Variants in EBPL observed in about 807,000 individuals in gnomAD.
EBPL encodes emopamil-binding protein-like.
EBPL carries 20 observed loss-of-function variants against 19.0 expected under a neutral mutation model. The ratio of observed to expected loss-of-function variants is 1.05; its 90% CI spans 0.74 to 1.53. The LOEUF (loss-of-function observed/expected upper bound fraction) is 1.53, where lower values mean the gene tolerates loss of function less well. Among genes scored for constraint, EBPL ranks in the 40% most tolerant of loss-of-function variants. The probability of loss-of-function intolerance (pLI) is 0.00; values close to 1 mark genes in which losing one functional copy is unlikely to be tolerated. For missense variants in EBPL, 219 were observed against 261.1 expected (o/e 0.84, Z 1.11); for synonymous variants, 107 against 117.0 (o/e 0.91, Z 0.55).
At chr13:49,681,323 C>T (rs558136081) in intron 1 of EBPL, among the ~76,000 whole-genome samples, 219 of 152,260 alleles carry the variant, frequency 1.4e-3, no homozygotes, top group African/African-American at 4.7e-3. Context: ...GATGGTCTCG[C>T]TCTGTCGCTC....
At chr13:49,665,715 C>CTTTTTTTT (rs35993290) in intron 2 of EBPL, among the ~76,000 whole-genome samples, 10 of 146,992 alleles carry the variant, frequency 6.8e-5, no homozygotes, top group Non-Finnish European at 1.0e-4. Context: ...TTCAACAAGT[C>CTTTTTTTT]TTTTTTTTTT....
At chr13:49,672,415 C>T (rs1045501146) in intron 1 of EBPL, among the ~76,000 whole-genome samples, 2 of 152,210 alleles carry the variant, frequency 1.3e-5, no homozygotes, top group African/African-American at 2.4e-5. Flanking sequence ...GGTCAGTGCC[C>T]TCCTACACAG....
At chr13:49,681,826 T>C (rs2407796) in intron 1 of EBPL, among the ~76,000 whole-genome samples, 25,207 of 152,202 alleles carry the variant, frequency 0.17, 2,295 homozygotes, top group South Asian at 0.26. Flanking sequence ...TGTATCTGTT[T>C]TTTTGTTGTA....
chr13:49,665,358 G>A (rs1425047046), intron 2 of EBPL, among the ~76,000 whole-genome samples: 1 of 152,144 alleles, frequency 6.6e-6, no homozygotes, highest in Non-Finnish European at 1.5e-5. Context: ...TGCAACCTCC[G>A]CCTCCCGTGT....
intron 3 of EBPL, chr13:49,661,787 A>C: frequency 1.3e-6 from 2 of 1,525,066 alleles, no homozygotes; most frequent in Non-Finnish European, 1.8e-6. Flanking sequence ...CTATCTCTCT[A>C]AAATTGGGTG....
At chr13:49,684,464 A>G (rs148825824) in intron 1 of EBPL, among the ~76,000 whole-genome samples, 7 of 152,350 alleles carry the variant, frequency 4.6e-5, no homozygotes. Context: ...TGAGGCCAGG[A>G]GTTTGAGACC....
intron 1 of EBPL, among the ~76,000 whole-genome samples, chr13:49,675,428 T>C (rs1953865166): frequency 6.6e-6 from 1 of 152,256 alleles, no homozygotes; most frequent in Admixed American, 6.5e-5. Context: ...GAAATGTCCT[T>C]ATGCAGTGAT....
At chr13:49,685,354 G>C (rs779382037) in intron 1 of EBPL, among the ~76,000 whole-genome samples, 2 of 152,174 alleles carry the variant, frequency 1.3e-5, no homozygotes. Flanking sequence ...GAATGGATTA[G>C]TCAATAAATG....
chr13:49,673,832 G>T (rs1045640146), intron 1 of EBPL, among the ~76,000 whole-genome samples: 23 of 152,144 alleles, frequency 1.5e-4, no homozygotes, highest in African/African-American at 4.8e-4. Context: ...ATGGAGGTGT[G>T]GGGTGGGGGG....
At chr13:49,678,095 C>G (rs891096404) in intron 1 of EBPL, among the ~76,000 whole-genome samples, 28 of 152,224 alleles carry the variant, frequency 1.8e-4, no homozygotes, top group Admixed American at 6.5e-4. Context: ...CCACCCACAT[C>G]CTGCTGATTG....
intron 1 of EBPL, among the ~76,000 whole-genome samples, 192 bp downstream of exon 1, chr13:49,691,062 T>C (rs1222685566): frequency 6.6e-6 from 1 of 152,220 alleles, no homozygotes; most frequent in Admixed American, 6.5e-5. Flanking sequence ...AGCTGCGCTC[T>C]GTTCACAGAC....
At chr13:49,673,970 C>T (rs947868478) in intron 1 of EBPL, among the ~76,000 whole-genome samples, 3 of 151,094 alleles carry the variant, frequency 2.0e-5, no homozygotes, top group African/African-American at 7.3e-5. Flanking sequence ...AATACACACA[C>T]ACACACACAC....
At chr13:49,679,234 C>T (rs1336522471) in intron 1 of EBPL, among the ~76,000 whole-genome samples, 2 of 152,072 alleles carry the variant, frequency 1.3e-5, no homozygotes, top group African/African-American at 2.4e-5. Flanking sequence ...TGTTTTTAGA[C>T]TCTGGGGCAT....
At chr13:49,672,129 G>C (rs1953824123) in intron 1 of EBPL, among the ~76,000 whole-genome samples, 1 of 152,146 alleles carries the variant, frequency 6.6e-6, no homozygotes, top group South Asian at 2.1e-4. Context: ...CACATCATTG[G>C]GATCTGGAAT....
Position 49,669,036 on chromosome 13 carries a change from C to T in EBPL, c.241+741G>A, listed in dbSNP as rs558164199. Among the ~76,000 whole-genome samples, 169 of 151,986 alleles carry T rather than the reference C, an allele frequency of 1.1e-3. 1 individual carries two copies. Among genetic ancestry groups the T allele is most frequent in the Non-Finnish European group, 2.1e-3 (141 of 67,974 alleles). ...CTGGGACTACAGGGGCCCGCCACCA[C>T]GCCCAGCCAATTTTTTATATTTTTA... On this transcript the variant is annotated intron_variant, in intron 2 of 3. Coordinates refer to ENST00000242827, the MANE Select transcript of EBPL (RefSeq NM_032565.5).
intron 1 of EBPL, among the ~76,000 whole-genome samples, chr13:49,672,787 T>C (rs1349439704): frequency 1.3e-5 from 2 of 152,080 alleles, no homozygotes; most frequent in Non-Finnish European, 2.9e-5. Context: ...AGGTTGGGTG[T>C]GGTGGTTCAC....
At chr13:49,684,725 G>GA (rs1311907987) in intron 1 of EBPL, among the ~76,000 whole-genome samples, 1 of 152,052 alleles carries the variant, frequency 6.6e-6, no homozygotes, top group Admixed American at 6.6e-5. Context: ...CAGTAGCAAT[G>GA]AAAATATAAA....
Position 49,663,092 on chromosome 13 carries a change from G to A in EBPL, c.345C>T (p.Phe115=). 1 of 1,614,146 alleles carries A rather than the reference G, an allele frequency of 6.2e-7. No homozygotes were observed. Among genetic ancestry groups the A allele is most frequent in the South Asian group, 1.1e-5 (1 of 91,084 alleles). The change falls in exon 3 of 4, where the codon TTC becomes TTT. Residue 115 remains phenylalanine (F), a synonymous_variant. Transcript: ENST00000242827. ...TTTCTTTGACTATGGCATAAATGAG[G>A]AACAATGCCAGAGACCCATCCAGGG... The part of the protein sequence containing the change: ...TVALDGSLAL[F]LIYAIVKEKY...
chr13:49,661,108 T>C lies in EBPL; in HGVS notation c.481A>G (p.Asn161Asp), dbSNP rs2137478948. ...AGGTAAAGCCAACAGTACAGCCAGT[T>C]GCTGGTGTTGAGGTTGGGGCTTCTG... ...LTRSPNLNTSNWLYCWLYLFF... is the reference protein window; with the variant it reads ...LTRSPNLNTSDWLYCWLYLFF... Residue 161 changes from asparagine (N) to aspartate (D), a missense_variant, in exon 4 of 4, where the codon AAC becomes GAC. Asn to Asp is a conservative substitution (Grantham distance 23). This residue lies in a region of EBPL where 49 missense variants were observed against 94.1 expected (regional missense o/e 0.52). Coordinates refer to ENST00000242827, the MANE Select transcript of EBPL (RefSeq NM_032565.5). 6.2e-7 allele frequency: 1 copy of C among 1,614,162 alleles called. No individual in the cohort carries two copies. The highest frequency in any genetic ancestry group is 2.2e-5 in the East Asian group (1 of 44,886).
Sources: gnomAD v4.1 joint callset for allele counts (sites outside exome capture counted in the v4.1 genomes callset) on GRCh38, gnomAD v4.1.1 for gene constraint, gnomAD v4.1.1 regional missense constraint, MANE v1.5 for transcripts, NCBI Gene and HGNC (gene_info 2026-07-23, HGNC 2026-07-21) for gene names.